The following GYG1 variants were observed in gnomAD, a reference collection of about 807,000 sequenced individuals.
GYG1 encodes the protein glycogenin-1.
GYG1 carries 44 observed loss-of-function variants against 41.9 expected under a neutral mutation model. The ratio of observed to expected loss-of-function variants is 1.05; its 90% CI spans 0.83 to 1.35. The LOEUF (loss-of-function observed/expected upper bound fraction) is 1.35. Ranked by LOEUF, GYG1 falls within the 40% of genes most tolerant of loss-of-function variation. GYG1 has a pLI of 0.00. For missense variants in GYG1, 429 were observed against 418.9 expected (o/e 1.02, Z -0.21); for synonymous variants, 141 against 158.1 (o/e 0.89, Z 0.81).
intron 5 of GYG1, among the ~76,000 whole-genome samples, chr3:149,021,322 T>C (rs1381399771): frequency 6.6e-6 from 1 of 152,258 alleles, no homozygotes; most frequent in Non-Finnish European, 1.5e-5. Context: ...TTGGGCATTA[T>C]GATTTTTATC....
chr3:148,997,542 G>A (rs1712878785), intron 4 of GYG1, among the ~76,000 whole-genome samples: 1 of 152,056 alleles, frequency 6.6e-6, no homozygotes, highest in Non-Finnish European at 1.5e-5. Flanking sequence ...TGTGATATAG[G>A]GCCTCACATC....
At chr3:149,001,293 C>T (rs1161522041) in intron 4 of GYG1, 3 of 152,170 alleles carry the variant, frequency 2.0e-5, no homozygotes, top group African/African-American at 7.2e-5. Flanking sequence ...TGTTCTCTTG[C>T]ATTTGTGTCA....
chr3:149,008,307 G>A (rs1477457173), intron 4 of GYG1: 1 of 152,278 alleles, frequency 6.6e-6, no homozygotes, highest in African/African-American at 2.4e-5. Context: ...TCCCTATGTG[G>A]TCTGGTCCCT....
chr3:149,013,367 T>G (rs1052237916), intron 5 of GYG1, among the ~76,000 whole-genome samples: 54 of 152,222 alleles, frequency 3.5e-4, no homozygotes, highest in Admixed American at 1.3e-4. Context: ...CATTTTTGCT[T>G]TCTATTATAT....
chr3:149,019,037 C>T, intron 5 of GYG1, among the ~76,000 whole-genome samples: 1 of 148,802 alleles, frequency 6.7e-6, no homozygotes. Flanking sequence ...CCACTAGACT[C>T]CAGCCTGAGT....
intron 3 of GYG1, 113 bp from the exon 4 acceptor site, chr3:148,996,629 C>T: frequency 4.1e-6 from 5 of 1,225,834 alleles, no homozygotes; most frequent in Middle Eastern, 1.9e-4. Context: ...AGAGGAGGCC[C>T]AGGCTGCCTT....
intron 6 of GYG1, among the ~76,000 whole-genome samples, chr3:149,024,765 G>A (rs1373350840): frequency 6.6e-6 from 1 of 152,114 alleles, no homozygotes; most frequent in Non-Finnish European, 1.5e-5. Context: ...GATTACTATA[G>A]GATCTTGAAA....
rs758596279 is a variant in GYG1, at chr3:149,029,209, C to CT, written c.*2277dup. ...TATTAACTAACTTTTCCATGTAAAG[C>CT]TATACAAATATTGGAAAATCTTTTC... On this transcript the variant is annotated 3_prime_UTR_variant, in exon 8 of 8. Transcript: ENST00000345003. Among the ~76,000 whole-genome samples, 4 of 152,258 alleles carry CT rather than the reference C, an allele frequency of 2.6e-5. No individual in the cohort carries two copies. The South Asian group carries it at 8.3e-4, about 32-fold the overall frequency.
At position 149,017,385 on chromosome 3, in the gene GYG1, G is replaced by A. The variant is rs370615610; in HGVS notation, c.609-6668G>A. Among the ~76,000 whole-genome samples the A allele has an allele frequency of 2.7e-5, 4 of 150,900 alleles. 1 individual carries two copies. Among genetic ancestry groups the A allele is most frequent in the Admixed American group, 6.6e-5 (1 of 15,110 alleles). ...CTCTCAGTAATGTAGAGACAATTGT[G>A]ACATGTACTCAACCTTTTTTTTTTT... On this transcript the variant is annotated intron_variant, in intron 5 of 7. Transcript: ENST00000345003.
intron 5 of GYG1, among the ~76,000 whole-genome samples, chr3:149,014,134 G>A (rs1360199990): frequency 6.6e-6 from 1 of 152,022 alleles, no homozygotes; most frequent in African/African-American, 2.4e-5. Flanking sequence ...GAAGAATCAA[G>A]CAGTGGTTGC....
chr3:149,008,031 G>C (rs1713502263), intron 4 of GYG1: 1 of 152,246 alleles, frequency 6.6e-6, no homozygotes, highest in South Asian at 2.1e-4. Flanking sequence ...GGGCTGAGCA[G>C]ACACTTTGCT....
chr3:149,028,648 A>AT lies in GYG1; in HGVS notation c.*1721dup, dbSNP rs1201888412. 6.7e-6 allele frequency among the ~76,000 whole-genome samples: 1 copy of AT among 149,072 alleles called. No individual in the cohort carries two copies. Among genetic ancestry groups the AT allele is most frequent in the Non-Finnish European group, 1.5e-5 (1 of 67,484 alleles). On this transcript the variant is annotated 3_prime_UTR_variant, in exon 8 of 8. Transcript: ENST00000345003. ...TTCTATTTACTACCGTTCATTCTCTATTTTTTACACAGTAGCATAACAAAG... is the reference window on the plus strand; with the variant it reads ...TTCTATTTACTACCGTTCATTCTCTATTTTTTTACACAGTAGCATAACAAAG...
intron 4 of GYG1, among the ~76,000 whole-genome samples, chr3:149,008,453 G>A (rs1713532469): frequency 1.3e-5 from 2 of 152,106 alleles, no homozygotes; most frequent in Non-Finnish European, 2.9e-5. Flanking sequence ...CACTATTTTT[G>A]TTCTGCCTGG....
At chr3:149,009,057 G>A in intron 4 of GYG1, 1 of 476,938 alleles carries the variant, frequency 2.1e-6, no homozygotes, top group Non-Finnish European at 3.7e-6. Flanking sequence ...TACTCGGGAG[G>A]CTTAGACAGG....
At chr3:149,022,199 T>A (rs1714407275) in intron 5 of GYG1, among the ~76,000 whole-genome samples, 1 of 152,250 alleles carries the variant, frequency 6.6e-6, no homozygotes, top group Non-Finnish European at 1.5e-5. Context: ...GTTTGGTTTT[T>A]GTTTTTATAT....
intron 4 of GYG1, among the ~76,000 whole-genome samples, chr3:149,007,283 G>A (rs773553291): frequency 2.0e-5 from 3 of 152,212 alleles, no homozygotes; most frequent in Non-Finnish European, 4.4e-5. Flanking sequence ...TTTGGGGTTA[G>A]GATTTCAATG....
rs575965512 is a variant in GYG1, at chr3:149,014,677, C to T, written c.608+5275C>T. On this transcript the variant is annotated intron_variant, in intron 5 of 7. Transcript: ENST00000345003. ...CCTGGCCAACATGCTGAAACCCTGA[C>T]ACTACTAAAAAAAAAAATACATATA... Among the ~76,000 whole-genome samples, 8 of 150,390 alleles carry T rather than the reference C, an allele frequency of 5.3e-5. No homozygotes were observed. The South Asian group carries it at 8.5e-4, about 16-fold the overall frequency.
At chr3:149,008,469 G>A (rs950648452) in intron 4 of GYG1, among the ~76,000 whole-genome samples, 4 of 152,150 alleles carry the variant, frequency 2.6e-5, no homozygotes, top group African/African-American at 7.2e-5. Flanking sequence ...CCTGGGACAC[G>A]GTCCCCCGTC....
chr3:149,016,822 G>T (rs1345172293), intron 5 of GYG1, among the ~76,000 whole-genome samples: 2 of 152,202 alleles, frequency 1.3e-5, no homozygotes, highest in Non-Finnish European at 2.9e-5. Context: ...GTGTGCAGTT[G>T]GTTGTGGGAG....
Sources: allele counts gnomAD v4.1 joint callset (sites outside exome capture counted in the v4.1 genomes callset), GRCh38; gene constraint gnomAD v4.1.1; transcripts MANE v1.5; gene names NCBI Gene and HGNC (gene_info 2026-07-23, HGNC 2026-07-21).